MALL: variants seen among roughly 807,000 people sequenced by gnomAD.
MALL encodes the protein mal, T cell differentiation protein like, also known as MAL-like protein.
A neutral mutation model predicts 10.3 loss-of-function variants in MALL; 2 were observed. The observed-to-expected ratio is 0.19, with a 90% CI of 0.08 to 0.61. MALL has a LOEUF of 0.61. Among genes scored for constraint, MALL ranks in the 20% least tolerant of loss-of-function variants. The pLI is 0.88. For synonymous variants in MALL, 27 were observed against 51.8 expected (o/e 0.52, Z 2.05); for missense variants, 39 against 115.2 (o/e 0.34, Z 3.03).
chr2:110,116,461 A>G (rs779376559), upstream of MALL: 4 of 151,532 alleles, frequency 2.6e-5, no homozygotes, highest in Non-Finnish European at 5.9e-5. Flanking sequence ...ATGGTCCTCC[A>G]CTCCTCTTTT....
chr2:110,115,892 G>GTAA, upstream of MALL: 1 of 404,368 alleles, frequency 2.5e-6, no homozygotes, highest in African/African-American at 2.8e-5. Flanking sequence ...CGCCTGGGAG[G>GTAA]GAAAAAAAAA....
chr2:110,105,880 A>G (rs1211828515), intron 1 of MALL, among the ~76,000 whole-genome samples: 1 of 152,182 alleles, frequency 6.6e-6, no homozygotes, highest in East Asian at 1.9e-4. Flanking sequence ...AGCTTCAGAC[A>G]GGCTCTTCCA....
At chr2:110,098,442 CT>C (rs1678491103) in intron 1 of MALL, among the ~76,000 whole-genome samples, 1 of 152,098 alleles carries the variant, frequency 6.6e-6, no homozygotes, top group South Asian at 2.1e-4. Flanking sequence ...CTCTGGGTAC[CT>C]GATATGAATG....
chr2:110,107,096 C>T (rs56798985), intron 1 of MALL, among the ~76,000 whole-genome samples: 9,336 of 150,828 alleles, frequency 0.062, 991 homozygotes, highest in African/African-American at 0.22. Flanking sequence ...GGGGGTGCAC[C>T]CTGAAAGGGT....
chr2:110,112,038 G>A (rs1678813380), intron 1 of MALL, among the ~76,000 whole-genome samples: 1 of 152,098 alleles, frequency 6.6e-6, no homozygotes, highest in Non-Finnish European at 1.5e-5. Flanking sequence ...ACATGTAGGG[G>A]ATTGAAACTG....
At chr2:110,113,983 C>A (rs893428595) in intron 1 of MALL, among the ~76,000 whole-genome samples, 1 of 151,978 alleles carries the variant, frequency 6.6e-6, no homozygotes, top group South Asian at 2.1e-4. Context: ...CCCCTCACCC[C>A]CCACAACACG....
At chr2:110,112,544 TC>T (rs1478298599) in intron 1 of MALL, among the ~76,000 whole-genome samples, 2 of 151,764 alleles carry the variant, frequency 1.3e-5, no homozygotes, top group East Asian at 3.9e-4. Flanking sequence ...ACCACCTTAC[TC>T]CTGCAAGAAT....
Position 110,115,812 on chromosome 2 carries a change from T to C in MALL, c.-20A>G. On this transcript the variant is annotated 5_prime_UTR_variant, in exon 1 of 4. Transcript: ENST00000272462. The stretch of plus-strand genomic sequence containing the variant: ...GGCCATGCTGTCAGCCCCTGCCGGG[T>C]GCTCCGCGGCAGCTCGCCCGCGCGC... 1 of 1,195,960 alleles carries C rather than the reference T, an allele frequency of 8.4e-7. No individual in the cohort carries two copies. Among genetic ancestry groups the C allele is most frequent in the Non-Finnish European group, 1.1e-6 (1 of 942,300 alleles). The allele number at this position is 1,195,960 out of a possible 1,614,324, so 74.1% of individuals were successfully genotyped here.
At chr2:110,100,657 C>T (rs1420443328) in intron 1 of MALL, among the ~76,000 whole-genome samples, 2 of 152,238 alleles carry the variant, frequency 1.3e-5, no homozygotes, top group East Asian at 3.9e-4. Context: ...TGTGGAAGCC[C>T]TTGCTCCAGC....
upstream of MALL, among the ~76,000 whole-genome samples, chr2:110,117,099 C>G (rs1678934858): frequency 6.6e-6 from 1 of 152,126 alleles, no homozygotes; most frequent in African/African-American, 2.4e-5. Context: ...GGATCTCAAA[C>G]CAGACTGATC....
In MALL at chr2:110,108,829, T is replaced by C. The variant is rs574565583; in HGVS notation, c.105+6859A>G. On this transcript the variant is annotated intron_variant, in intron 1 of 3. Transcript: ENST00000272462. Reference sequence around the variant, plus strand: ...ATCTATAAAGGAAAAGCTATCAGATTAGCAGCAGATTTCTCAGCAGAAACC... The same window carrying C: ...ATCTATAAAGGAAAAGCTATCAGATCAGCAGCAGATTTCTCAGCAGAAACC... 6.6e-5 allele frequency among the ~76,000 whole-genome samples: 10 copies of C among 152,302 alleles called. No homozygotes were observed. The East Asian group carries it at 1.7e-3, about 26-fold the overall frequency.
At chr2:110,096,468 A>G (rs891138057) in intron 1 of MALL, among the ~76,000 whole-genome samples, 7 of 152,048 alleles carry the variant, frequency 4.6e-5, no homozygotes, top group Non-Finnish European at 2.9e-5. Flanking sequence ...CTGCTGGCAC[A>G]TGGTGAATGT....
intron 1 of MALL, among the ~76,000 whole-genome samples, chr2:110,097,942 C>T (rs1402919771): frequency 3.3e-5 from 5 of 151,986 alleles, no homozygotes; most frequent in Admixed American, 3.3e-4. Flanking sequence ...GAAAAAGACC[C>T]CAGTCAAGAT....
intron 1 of MALL, among the ~76,000 whole-genome samples, chr2:110,112,024 A>T (rs923825159): frequency 1.3e-5 from 2 of 152,190 alleles, no homozygotes; most frequent in Non-Finnish European, 2.9e-5. Context: ...ATAATTGGCT[A>T]CCCACATGTA....
At chr2:110,111,536 A>G (rs1678800788) in intron 1 of MALL, among the ~76,000 whole-genome samples, 1 of 152,136 alleles carries the variant, frequency 6.6e-6, no homozygotes, top group Non-Finnish European at 1.5e-5. Flanking sequence ...AGGAGTTGAA[A>G]GACCTCTACA....
intron 1 of MALL, among the ~76,000 whole-genome samples, chr2:110,104,766 C>T (rs895025406): frequency 6.6e-6 from 1 of 152,212 alleles, no homozygotes; most frequent in African/African-American, 2.4e-5. Context: ...GTGCTCGTTG[C>T]ATCTTCAGTG....
At chr2:110,095,615 C>T (rs1678423888) in intron 1 of MALL, among the ~76,000 whole-genome samples, 1 of 151,754 alleles carries the variant, frequency 6.6e-6, no homozygotes, top group Admixed American at 6.6e-5. Flanking sequence ...AAATTACCAT[C>T]TTATAACCTG....
intron 1 of MALL, among the ~76,000 whole-genome samples, chr2:110,102,432 C>T (rs1678591231): frequency 6.6e-6 from 1 of 152,154 alleles, no homozygotes; most frequent in African/African-American, 2.4e-5. Context: ...GACTGTGTGC[C>T]CTGAGGTCTC....
intron 1 of MALL, among the ~76,000 whole-genome samples, chr2:110,105,621 G>T (rs561686651): frequency 6.6e-6 from 1 of 152,306 alleles, no homozygotes; most frequent in East Asian, 1.9e-4. Flanking sequence ...ATAAACTGGG[G>T]TAAATTGAGT....
Sources: gnomAD v4.1 joint callset for allele counts (sites outside exome capture counted in the v4.1 genomes callset) on GRCh38, gnomAD v4.1.1 for gene constraint, MANE v1.5 for transcripts, NCBI Gene and HGNC (gene_info 2026-07-23, HGNC 2026-07-21) for gene names.